The following CDH3 variants were observed in gnomAD, a reference collection of about 807,000 sequenced individuals.
CDH3 encodes the protein cadherin 3, also known as cadherin-3.
In CDH3, 54 loss-of-function variants were observed where a neutral mutation model predicts 82.0. The observed-to-expected ratio is 0.66, with a 90% CI of 0.53 to 0.83. The LOEUF (loss-of-function observed/expected upper bound fraction) is 0.83, where lower values mean the gene tolerates loss of function less well. Among genes scored for constraint, CDH3 ranks in the 40% least tolerant of loss-of-function variants. The probability of loss-of-function intolerance (pLI) is 0.00; values close to 1 mark genes in which losing one functional copy is unlikely to be tolerated. For synonymous variants in CDH3, 446 were observed against 437.9 expected (o/e 1.02, Z -0.23); for missense variants, 1,054 against 1,084.6 (o/e 0.97, Z 0.40).
intron 2 of CDH3, among the ~76,000 whole-genome samples, chr16:68,662,307 G>T (rs1960605349): frequency 6.6e-6 from 1 of 152,094 alleles, no homozygotes. Context: ...TAAAGAGTTT[G>T]TTTTTTAGGA....
At chr16:68,656,496 T>C (rs139863762) in intron 2 of CDH3, among the ~76,000 whole-genome samples, 102 of 152,228 alleles carry the variant, frequency 6.7e-4, no homozygotes, top group African/African-American at 2.1e-3. Flanking sequence ...AATCACACTA[T>C]GTACTTTATG....
chr16:68,713,919 TTTATTATTATTA>T (rs146101205), intron 1 of CDH3, among the ~76,000 whole-genome samples: 12 of 147,578 alleles, frequency 8.1e-5, no homozygotes, highest in Non-Finnish European at 1.5e-4. Flanking sequence ...TTTTATTCTA[TTTATTATTATTA>T]TTATTATTAT....
intron 2 of CDH3, chr16:68,651,458 G>A (rs1960242547): frequency 7.4e-6 from 4 of 537,070 alleles, no homozygotes; most frequent in East Asian, 4.9e-5. Flanking sequence ...TCTGCAGCCC[G>A]ATGACGCACT....
intron 1 of CDH3, among the ~76,000 whole-genome samples, chr16:68,716,571 T>A (rs1436956424): frequency 1.5e-5 from 2 of 131,632 alleles, no homozygotes; most frequent in East Asian, 4.3e-4. Context: ...CAATGAGCTA[T>A]GACCATGCCA....
At chr16:68,702,913 G>C (rs1961914565), downstream of CDH3, among the ~76,000 whole-genome samples, 1 of 151,712 alleles carries the variant, frequency 6.6e-6, no homozygotes, top group Non-Finnish European at 1.5e-5. Flanking sequence ...GGGGTACCCA[G>C]AGAGCCTTCT....
rs1372509909 is a variant in CDH3, at chr16:68,665,068, C to T, written c.161-11317C>T. 2.0e-5 allele frequency among the ~76,000 whole-genome samples: 3 copies of T among 152,088 alleles called. No homozygotes were observed. In the South Asian group the frequency reaches 6.2e-4, roughly 32 times the overall value. ...TTCACCTTCCTGTCCTTCTGTGTTG[C>T]TTTTTAAATCACTGCCCCTGGTTTT... is the stretch of plus-strand genomic sequence containing the variant. On this transcript the variant is annotated intron_variant, in intron 2 of 15. Coordinates refer to ENST00000264012, the MANE Select transcript of CDH3 (RefSeq NM_001793.6).
At chr16:68,718,450 C>G (rs376160964) in intron 1 of CDH3, among the ~76,000 whole-genome samples, 1 of 151,970 alleles carries the variant, frequency 6.6e-6, no homozygotes. Flanking sequence ...GAGGCCGAGG[C>G]GGGTGGATCA....
intron 12 of CDH3, among the ~76,000 whole-genome samples, chr16:68,690,580 T>G (rs898428103): frequency 1.3e-5 from 2 of 151,184 alleles, no homozygotes; most frequent in Admixed American, 6.6e-5. Flanking sequence ...GCCACTGTAC[T>G]CCAGCCTGAG....
chr16:68,688,954 A>G (rs1438129671), intron 12 of CDH3, among the ~76,000 whole-genome samples: 1 of 152,174 alleles, frequency 6.6e-6, no homozygotes, highest in Non-Finnish European at 1.5e-5. Context: ...CTCACTCACC[A>G]TGGTGTGGAA....
chr16:68,653,174 T>A (rs573805792), intron 2 of CDH3, among the ~76,000 whole-genome samples: 1 of 152,248 alleles, frequency 6.6e-6, no homozygotes, highest in African/African-American at 2.4e-5. Context: ...GGAGTCTTGA[T>A]TTTCATCTGG....
intron 1 of CDH3, chr16:68,722,351 A>G (rs1213529473): frequency 2.0e-5 from 3 of 152,190 alleles, no homozygotes; most frequent in East Asian, 3.8e-4. Context: ...ACTCTGGAGA[A>G]TTATAGATGC....
chr16:68,719,549 C>A (rs550815066), intron 1 of CDH3, among the ~76,000 whole-genome samples: 13 of 143,280 alleles, frequency 9.1e-5, no homozygotes, highest in Non-Finnish European at 2.0e-4. Context: ...GCTCTGTCAC[C>A]CAGGCTGGAG....
At chr16:68,683,264 C>T (rs973169206) in intron 9 of CDH3, among the ~76,000 whole-genome samples, 9 of 152,040 alleles carry the variant, frequency 5.9e-5, no homozygotes, top group Non-Finnish European at 1.2e-4. Context: ...AATGCCACTT[C>T]GACATTGTTA....
chr16:68,729,677 G>C (rs1962264230), downstream of CDH3, among the ~76,000 whole-genome samples: 1 of 152,124 alleles, frequency 6.6e-6, no homozygotes, highest in Non-Finnish European at 1.5e-5. Context: ...CTCTTGCCCG[G>C]CTGGAGTGCA....
Position 68,698,444 on chromosome 16 carries a change from G to A in CDH3, c.*44G>A, listed in dbSNP as rs1330159809. 2 of 1,562,896 alleles carry A rather than the reference G, an allele frequency of 1.3e-6. No individual in the cohort carries two copies. The highest frequency in any genetic ancestry group is 1.7e-5 in the Admixed American group (1 of 59,874). ...TGGGGACCAAACGTCAGGCCACAGA[G>A]CATCTCCAAGGGGTCTCAGTTCCCC... On this transcript the variant is annotated 3_prime_UTR_variant, in exon 16 of 16. Coordinates refer to ENST00000264012, the MANE Select transcript of CDH3 (RefSeq NM_001793.6).
chr16:68,681,103 C>A lies in CDH3; in HGVS notation c.996+7C>A. On this transcript the variant is annotated splice_region_variant and intron_variant, in intron 8 of 15. Coordinates refer to ENST00000264012, the MANE Select transcript of CDH3 (RefSeq NM_001793.6). ...CATGTTTGACCCCCAGAAGGTAATG[C>A]CCCTTCCTCACTCAGTCCCTCATCA... 1 of 1,613,764 alleles carries A rather than the reference C, an allele frequency of 6.2e-7. No individual in the cohort carries two copies. The highest frequency in any genetic ancestry group is 8.5e-7 in the Non-Finnish European group (1 of 1,179,850).
chr16:68,673,017 A>T (rs912374092), intron 2 of CDH3, among the ~76,000 whole-genome samples: 4 of 151,968 alleles, frequency 2.6e-5, no homozygotes, highest in Admixed American at 6.6e-5. Flanking sequence ...TGCTTCATTC[A>T]CTTCATTATG....
downstream of CDH3, among the ~76,000 whole-genome samples, chr16:68,700,739 A>C (rs961458337): frequency 6.6e-6 from 1 of 152,186 alleles, no homozygotes; most frequent in African/African-American, 2.4e-5. Context: ...CTATAATCCC[A>C]GCTACTTGGG....
chr16:68,678,134 GAAA>G lies in CDH3; in HGVS notation c.248_250del (p.Glu83_Arg84delinsGly). On this transcript the variant is annotated inframe_deletion and splice_region_variant, in exon 4 of 16. Transcript: ENST00000264012. ...GGTTAAGGAGTTTCTCTCCTTGCAG[GAAA>G]GAAGGTCACTGAAGGAAAGGAATCC... is the stretch of plus-strand genomic sequence containing the variant. 1 of 1,613,858 alleles carries G rather than the reference GAAA, an allele frequency of 6.2e-7. No individual in the cohort carries two copies. Among genetic ancestry groups the G allele is most frequent in the Non-Finnish European group, 8.5e-7 (1 of 1,179,776 alleles).
Sources: allele counts gnomAD v4.1 joint callset (sites outside exome capture counted in the v4.1 genomes callset), GRCh38; gene constraint gnomAD v4.1.1; transcripts MANE v1.5; gene names NCBI Gene and HGNC (gene_info 2026-07-23, HGNC 2026-07-21).